The following LYZL4 variants were observed in gnomAD, a reference collection of about 807,000 sequenced individuals.
The protein encoded by LYZL4 is lysozyme like 4.
A neutral mutation model predicts 17.6 loss-of-function variants in LYZL4; 13 were observed. The ratio of observed to expected loss-of-function variants is 0.74; its 90% confidence interval spans 0.48 to 1.18. The LOEUF (loss-of-function observed/expected upper bound fraction) is 1.18, where lower values mean the gene tolerates loss of function less well. Ranked by LOEUF, LYZL4 falls within the 50% of genes most tolerant of loss-of-function variation. LYZL4 has a pLI of 0.00. For missense variants in LYZL4, 174 were observed against 188.2 expected, an observed-to-expected ratio of 0.92 and a Z score of 0.44; for synonymous variants, 64 against 67.7, an observed-to-expected ratio of 0.95 and a Z score of 0.27.
At chr3:42,380,303 G>C in the LYZL4 span, among the ~76,000 whole-genome samples, 1 of 152,198 alleles carries the variant, frequency 6.6e-6, no homozygotes, top group Non-Finnish European at 1.5e-5. Context: ...GGAATCTTGT[G>C]AGTGTAAGTT....
the LYZL4 span, among the ~76,000 whole-genome samples, chr3:42,390,022 T>A: frequency 3.9e-5 from 6 of 152,136 alleles, no homozygotes; most frequent in Non-Finnish European, 8.8e-5. Context: ...CTCTGGGCAA[T>A]ACTTTAAAAA....
the LYZL4 span, among the ~76,000 whole-genome samples, chr3:42,391,219 A>G: frequency 3.3e-5 from 5 of 152,346 alleles, no homozygotes; most frequent in South Asian, 1.0e-3. Flanking sequence ...GAAACATATA[A>G]CAGGTATTTT....
chr3:42,393,289 T>C (rs931587123), downstream of LYZL4, among the ~76,000 whole-genome samples: 1 of 151,980 alleles, frequency 6.6e-6, no homozygotes, highest in Non-Finnish European at 1.5e-5. Context: ...GTAAGGGACT[T>C]GGACAGGCTA....
chr3:42,396,523 AGT>A (rs1660876362), downstream of LYZL4, among the ~76,000 whole-genome samples: 1 of 152,264 alleles, frequency 6.6e-6, no homozygotes, highest in Admixed American at 6.5e-5. Context: ...CTTTCTAAAA[AGT>A]CAGATGCAAA....
intron 4 of LYZL4, among the ~76,000 whole-genome samples, chr3:42,403,737 A>T (rs1040943417): frequency 6.6e-6 from 1 of 152,236 alleles, no homozygotes; most frequent in African/African-American, 2.4e-5. Context: ...GTAGGAACTT[A>T]AAGGATAGAA....
the LYZL4 span, among the ~76,000 whole-genome samples, chr3:42,380,218 G>A: frequency 3.9e-4 from 60 of 152,280 alleles, no homozygotes; most frequent in South Asian, 5.4e-3. Context: ...ATGGCTAGGG[G>A]GTCCATGTCT....
the LYZL4 span, among the ~76,000 whole-genome samples, chr3:42,377,625 C>CTGTGTGTGTGTGTGTGTG: frequency 1.7e-4 from 25 of 143,788 alleles, no homozygotes; most frequent in African/African-American, 3.9e-4. Flanking sequence ...GCATGACTCT[C>CTGTGTGTGTGTGTGTGTG]TGTGTGTGTG....
In LYZL4 at chr3:42,410,550, A is replaced by T. The variant is rs1012965397; in HGVS notation, c.-226T>A. The T allele has an allele frequency of 6.6e-6, 1 of 152,114 alleles. No homozygotes were observed. The highest frequency in any genetic ancestry group is 2.4e-5 in the African/African-American group (1 of 41,418). 9.4% of individuals were successfully genotyped at this position (152,114 alleles called of 1,614,324 possible). A position where few individuals can be genotyped will look rare whatever the true frequency, so the allele number is the denominator to read the frequency against. On this transcript the variant is annotated 5_prime_UTR_variant, in exon 1 of 5. Transcript: ENST00000287748. The stretch of plus-strand genomic sequence containing the variant: ...ACATTTGGTTCCTTGGGTTTTTCAG[A>T]TGCTACTTCATTAATCATCCACTTG...
At chr3:42,387,675 A>G in the LYZL4 span, among the ~76,000 whole-genome samples, 1 of 152,128 alleles carries the variant, frequency 6.6e-6, no homozygotes, top group Non-Finnish European at 1.5e-5. Context: ...AGAACAAAAG[A>G]GAAAGGAAGA....
rs542331530 is a variant in LYZL4 at position 42,398,704 on chromosome 3, A to G, written c.372-1370T>C. Among the ~76,000 whole-genome samples the G allele has an allele frequency of 2.6e-5, 4 of 152,330 alleles. No individual in the cohort carries two copies. The South Asian group carries it at 8.3e-4, about 32-fold the overall frequency. On this transcript the variant is annotated intron_variant, in intron 4 of 4. Transcript: ENST00000287748. ...ATCATATTCTATTTTTAACTTATTT[A>G]ACAAAAATTTAATATAGGGCTTAAT... is the stretch of plus-strand genomic sequence containing the variant.
At chr3:42,378,930 C>T in the LYZL4 span, among the ~76,000 whole-genome samples, 6 of 152,130 alleles carry the variant, frequency 3.9e-5, no homozygotes, top group Admixed American at 2.0e-4. Flanking sequence ...CCAAAAATCG[C>T]ACCTAGCAAG....
the LYZL4 span, among the ~76,000 whole-genome samples, chr3:42,378,808 G>A: frequency 6.6e-6 from 1 of 152,146 alleles, no homozygotes; most frequent in African/African-American, 2.4e-5. Context: ...TACTTTACAT[G>A]CATAATCTCA....
At chr3:42,361,572 T>A in the LYZL4 span, among the ~76,000 whole-genome samples, 1 of 147,342 alleles carries the variant, frequency 6.8e-6, no homozygotes, top group Non-Finnish European at 1.5e-5. Flanking sequence ...TAAAAAAATT[T>A]TTTTTTTTTT....
downstream of LYZL4, among the ~76,000 whole-genome samples, chr3:42,393,364 C>A (rs1052793855): frequency 6.6e-5 from 10 of 151,506 alleles, no homozygotes; most frequent in Non-Finnish European, 1.0e-4. Flanking sequence ...CACACACACA[C>A]AACCAGGCCC....
At chr3:42,392,259 A>G (rs1283281323), downstream of LYZL4, among the ~76,000 whole-genome samples, 3 of 152,130 alleles carry the variant, frequency 2.0e-5, no homozygotes, top group Admixed American at 6.6e-5. Flanking sequence ...GTTCATAACC[A>G]CATGGGGAAT....
At chr3:42,383,499 T>C in the LYZL4 span, among the ~76,000 whole-genome samples, 29 of 150,850 alleles carry the variant, frequency 1.9e-4, no homozygotes, top group Non-Finnish European at 8.8e-5. Context: ...TTATATAACT[T>C]GATGAACCTG....
At chr3:42,361,411 G>A in the LYZL4 span, among the ~76,000 whole-genome samples, 1 of 152,258 alleles carries the variant, frequency 6.6e-6, no homozygotes, top group Admixed American at 6.5e-5. Flanking sequence ...GAAAGGGAGG[G>A]TAGGAAGGAC....
chr3:42,378,137 G>A, the LYZL4 span, among the ~76,000 whole-genome samples: 1 of 152,154 alleles, frequency 6.6e-6, no homozygotes, highest in African/African-American at 2.4e-5. Flanking sequence ...CCACTTTGGT[G>A]GTGGCAAAGT....
At chr3:42,373,068 G>T in the LYZL4 span, among the ~76,000 whole-genome samples, 1 of 152,128 alleles carries the variant, frequency 6.6e-6, no homozygotes, top group Non-Finnish European at 1.5e-5. Context: ...AATTTTAGCA[G>T]GGCATGGTGG....
Sources: gnomAD v4.1 joint callset for allele counts (sites outside exome capture counted in the v4.1 genomes callset) on GRCh38, gnomAD v4.1.1 for gene constraint, MANE v1.5 for transcripts, NCBI Gene and HGNC (gene_info 2026-07-23, HGNC 2026-07-21) for gene names.